Variants in KRTAP9-8 observed in about 807,000 individuals in gnomAD.
KRTAP9-8 encodes keratin associated protein 9-8.
Under a neutral mutation model 12.8 loss-of-function variants are expected in KRTAP9-8, and 10 were observed. The observed-to-expected ratio is 0.78, with a 90% confidence interval of 0.48 to 1.33. The LOEUF is 1.33. Ranked by LOEUF, KRTAP9-8 falls within the 40% of genes most tolerant of loss-of-function variation. The probability of loss-of-function intolerance (pLI) is 0.00; values close to 1 mark genes in which losing one functional copy is unlikely to be tolerated. For missense variants in KRTAP9-8, 197 were observed against 197.0 expected, an observed-to-expected ratio of 1.00 and a Z score of 0.00; for synonymous variants, 94 against 70.8, an observed-to-expected ratio of 1.33 and a Z score of -1.64.
chr17:41,238,240 C>T lies in KRTAP9-8; in HGVS notation c.189C>T (p.Thr63=). 1.2e-6 allele frequency: 2 copies of T among 1,607,888 alleles called. No individual in the cohort carries two copies. The highest frequency in any genetic ancestry group is 1.7e-6 in the Non-Finnish European group (2 of 1,179,928). Residue 63 remains threonine, a synonymous_variant, in exon 1 of 1, where the codon ACC becomes ACT. Transcript: ENST00000254072. The part of the protein sequence containing the change: ...QNTCCQPICV[T]SCCQPSCCST... ...CCTGCTGCCAGCCCATCTGTGTGAC[C>T]AGCTGCTGCCAGCCTTCCTGCTGCA...
Position 41,238,006 on chromosome 17 carries a change from G to A in KRTAP9-8, c.-46G>A. ...AGAATGCAAGGGGTCATCAGATTCTGGGAAACTCACCTCTGAACAGAACTC... is the reference window on the plus strand; with the variant it reads ...AGAATGCAAGGGGTCATCAGATTCTAGGAAACTCACCTCTGAACAGAACTC... On this transcript the variant is annotated 5_prime_UTR_variant, in exon 1 of 1. Coordinates refer to ENST00000254072, the MANE Select transcript of KRTAP9-8 (RefSeq NM_031963.3). 1.9e-6 allele frequency: 3 copies of A among 1,593,314 alleles called. No homozygotes were observed. Among genetic ancestry groups the A allele is most frequent in the Non-Finnish European group, 2.6e-6 (3 of 1,171,274 alleles).
In KRTAP9-8 at chr17:41,238,483, C is replaced by T. The variant is rs200475732; in HGVS notation, c.432C>T (p.Cys144=). 9.1e-5 allele frequency: 145 copies of T among 1,589,314 alleles called. 2 individuals carry two copies. The highest frequency in any genetic ancestry group is 9.1e-4 in the Admixed American group (53 of 58,260). ...AGACCACCTGCTGCAGGACCACTTG[C>T]TTCCAGCCCACCTGTGTGTCCAGCT... The part of the protein sequence containing the change: ...CCETTCCRTT[C]FQPTCVSSCC... Residue 144 remains cysteine (C), a synonymous_variant, in exon 1 of 1, where the codon TGC becomes TGT. Transcript: ENST00000254072.
rs776291889 is a variant in KRTAP9-8, at chr17:41,238,071, C to A, written c.20C>A (p.Pro7His). The A allele has an allele frequency of 2.5e-6, 4 of 1,606,576 alleles. No individual in the cohort carries two copies. Among genetic ancestry groups the A allele is most frequent in the Non-Finnish European group, 3.4e-6 (4 of 1,179,814 alleles). Residue 7 changes from proline to histidine, a missense_variant, in exon 1 of 1, where the codon CCT becomes CAT. By Grantham distance (77) the Pro-to-His change is moderately conservative (BLOSUM62 -2). Transcript: ENST00000254072. The stretch of plus-strand genomic sequence containing the variant: ...GACACCATGACCCACTGTTGTTCCC[C>A]TTGCTGTCAGCCTACGTGCTGCAGG... Reference protein sequence around the residue: MTHCCSPCCQPTCCRTT... With the variant: MTHCCSHCCQPTCCRTT...
rs751897107 is a variant in KRTAP9-8, at chr17:41,238,253, C to A, written c.202C>A (p.Pro68Thr). The change falls in exon 1 of 1, where the codon CCT becomes ACT. Residue 68 changes from proline (P) to threonine (T), a missense_variant. Coordinates refer to ENST00000254072, the MANE Select transcript of KRTAP9-8 (RefSeq NM_031963.3). ...QPICVTSCCQ[P>T]SCCSTPCCQP... The stretch of plus-strand genomic sequence containing the variant: ...CATCTGTGTGACCAGCTGCTGCCAG[C>A]CTTCCTGCTGCAGCACACCCTGCTG... 3 of 1,608,084 alleles carry A rather than the reference C, an allele frequency of 1.9e-6. No homozygotes were observed. Among genetic ancestry groups the A allele is most frequent in the South Asian group, 1.1e-5 (1 of 91,046 alleles).
At position 41,238,375 on chromosome 17, in the gene KRTAP9-8, C is replaced by A. The variant is rs777800286; in HGVS notation, c.324C>A (p.Pro108=). 3.1e-6 allele frequency: 5 copies of A among 1,607,488 alleles called. No individual in the cohort carries two copies. Among genetic ancestry groups the A allele is most frequent in the Non-Finnish European group, 4.2e-6 (5 of 1,179,966 alleles). ...PVYCRRTCYH[P]TTVCLPGCLN... is the part of the protein sequence containing the mutation. ...ACTGCAGAAGAACCTGCTACCACCC[C>A]ACGACTGTCTGCCTGCCTGGTTGCC... The change falls in exon 1 of 1, where the codon CCC becomes CCA. Residue 108 remains proline, a synonymous_variant. Transcript: ENST00000254072.
Position 41,238,216 on chromosome 17 carries a change from C to T in KRTAP9-8, c.165C>T (p.Thr55=), listed in dbSNP as rs549212194. The change falls in exon 1 of 1, where the codon ACC becomes ACT. Residue 55 remains threonine, a synonymous_variant. Transcript: ENST00000254072. ...GCCGCCCAACTTGCTGTCAAAACAC[C>T]TGCTGCCAGCCCATCTGTGTGACCA... ...PCCRPTCCQN[T]CCQPICVTSC... 3 of 1,608,108 alleles carry T rather than the reference C, an allele frequency of 1.9e-6. 1 individual carries two copies. The African/African-American group carries it at 4.3e-5, about 23-fold the overall frequency.
chr17:41,238,076 T>A lies in KRTAP9-8; in HGVS notation c.25T>A (p.Cys9Ser), dbSNP rs1180795087. The change falls in exon 1 of 1, where the codon TGT becomes AGT. Residue 9 changes from cysteine to serine, a missense_variant. Coordinates refer to ENST00000254072, the MANE Select transcript of KRTAP9-8 (RefSeq NM_031963.3). MTHCCSPC[C>S]QPTCCRTTCW... ...CATGACCCACTGTTGTTCCCCTTGC[T>A]GTCAGCCTACGTGCTGCAGGACCAC... The A allele has an allele frequency of 5.0e-6, 8 of 1,606,544 alleles. 1 individual carries two copies. The highest frequency in any genetic ancestry group is 4.3e-5 in the African/African-American group (3 of 69,504).
At position 41,238,156 on chromosome 17, in the gene KRTAP9-8, C is replaced by T. The variant is rs760871163; in HGVS notation, c.105C>T (p.Pro35=). 2 of 1,608,110 alleles carry T rather than the reference C, an allele frequency of 1.2e-6. No homozygotes were observed. Among genetic ancestry groups the T allele is most frequent in the Non-Finnish European group, 1.7e-6 (2 of 1,179,978 alleles). ...TTCSSTPCCQ[P]SCCVSSCCQP... is the part of the protein sequence containing the mutation. ...GCAGCAGCACACCCTGCTGCCAGCC[C>T]TCCTGCTGTGTGTCCAGCTGCTGCC... Residue 35 remains proline (P), a synonymous_variant, in exon 1 of 1, where the codon CCC becomes CCT. Transcript: ENST00000254072.
rs577846147 is a variant in KRTAP9-8 at position 41,238,402 on chromosome 17, A to C, written c.351A>C (p.Leu117=). ...HPTTVCLPGC[L]NQSCGSNCCQ... is the part of the protein sequence containing the mutation. ...CGACTGTCTGCCTGCCTGGTTGCCT[A>C]AACCAGAGCTGTGGCTCCAACTGCT... Residue 117 remains leucine, a synonymous_variant, in exon 1 of 1, where the codon CTA becomes CTC. Transcript: ENST00000254072. 290 of 1,602,852 alleles carry C rather than the reference A, an allele frequency of 1.8e-4. 6 individuals carry two copies. In the Admixed American group the frequency reaches 4.7e-3, roughly 26 times the overall value.
In KRTAP9-8 at chr17:41,238,443, G is replaced by A. The variant is rs779226955; in HGVS notation, c.392G>A (p.Arg131His). The change falls in exon 1 of 1, where the codon CGC becomes CAC. Residue 131 changes from arginine (R) to histidine (H), a missense_variant. Coordinates refer to ENST00000254072, the MANE Select transcript of KRTAP9-8 (RefSeq NM_031963.3). ...TCCAACTGCTGCCAGCCCTGCTGCC[G>A]CCCAGCCTGCTGTGAGACCACCTGC... is the stretch of plus-strand genomic sequence containing the variant. ...CGSNCCQPCC[R>H]PACCETTCCR... The A allele has an allele frequency of 2.7e-5, 44 of 1,600,048 alleles. No individual in the cohort carries two copies. Among genetic ancestry groups the A allele is most frequent in the South Asian group, 1.8e-4 (16 of 90,746 alleles).
In KRTAP9-8 at chr17:41,238,428, G is replaced by C. The variant is rs372654005; in HGVS notation, c.377G>C (p.Cys126Ser). ...AACCAGAGCTGTGGCTCCAACTGCT[G>C]CCAGCCCTGCTGCCGCCCAGCCTGC... ...CLNQSCGSNC[C>S]QPCCRPACCE... is the part of the protein sequence containing the mutation. The change falls in exon 1 of 1, where the codon TGC (cysteine) becomes TCC (serine). Residue 126 changes from cysteine to serine, a missense_variant. Transcript: ENST00000254072. 1.2e-6 allele frequency: 2 copies of C among 1,601,970 alleles called. No individual in the cohort carries two copies. The highest frequency in any genetic ancestry group is 1.7e-6 in the Non-Finnish European group (2 of 1,178,968).
At position 41,238,629 on chromosome 17, in the gene KRTAP9-8, T is replaced by C. The variant is rs1177629319; in HGVS notation, c.*98T>C. 4 of 995,982 alleles carry C rather than the reference T, an allele frequency of 4.0e-6. No homozygotes were observed. In the South Asian group the frequency reaches 4.9e-5, roughly 12 times the overall value. 61.7% of individuals were successfully genotyped at this position (995,982 alleles called of 1,614,324 possible). A position where few individuals can be genotyped will look rare whatever the true frequency, so the allele number is the denominator to read the frequency against. ...TTTAATTTGCTGCTGACAGCCACCA[T>C]GCTCTCACCCAAATTTTTATGAATT... On this transcript the variant is annotated 3_prime_UTR_variant, in exon 1 of 1. Coordinates refer to ENST00000254072, the MANE Select transcript of KRTAP9-8 (RefSeq NM_031963.3).
At position 41,238,348 on chromosome 17, in the gene KRTAP9-8, G is replaced by A. The variant is rs547787931; in HGVS notation, c.297G>A (p.Val99=). The A allele has an allele frequency of 1.9e-6, 3 of 1,607,490 alleles. No homozygotes were observed. Among genetic ancestry groups the A allele is most frequent in the African/African-American group, 1.5e-5 (1 of 68,788 alleles). ...SCGQSSSCAP[V]YCRRTCYHPT... ...GTCAGAGCAGCTCCTGTGCACCTGT[G>A]TACTGCAGAAGAACCTGCTACCACC... The change falls in exon 1 of 1, where the codon GTG becomes GTA. Residue 99 remains valine, a synonymous_variant. Transcript: ENST00000254072.
chr17:41,238,086 C>T lies in KRTAP9-8; in HGVS notation c.35C>T (p.Thr12Met), dbSNP rs370372535. 74 of 1,606,696 alleles carry T rather than the reference C, an allele frequency of 4.6e-5. 2 individuals are homozygous for T. Among genetic ancestry groups the T allele is most frequent in the South Asian group, 1.2e-4 (11 of 90,986 alleles). ...THCCSPCCQP[T>M]CCRTTCWKPT... ...TGTTGTTCCCCTTGCTGTCAGCCTA[C>T]GTGCTGCAGGACCACCTGCTGGAAG... Residue 12 changes from threonine to methionine, a missense_variant, in exon 1 of 1, where the codon ACG becomes ATG. Thr to Met is a moderately conservative substitution (Grantham distance 81). Coordinates refer to ENST00000254072, the MANE Select transcript of KRTAP9-8 (RefSeq NM_031963.3).
Sources: allele counts gnomAD v4.1 joint callset, GRCh38; gene constraint gnomAD v4.1.1; transcripts MANE v1.5; gene names NCBI Gene and HGNC (gene_info 2026-07-23, HGNC 2026-07-21).